Variants in ZNF180 observed in about 807,000 individuals in gnomAD.
ZNF180 encodes the protein zinc finger protein 180 (HHZ168).
In ZNF180, 11 loss-of-function variants were observed where a neutral mutation model predicts 11.8. The ratio of observed to expected loss-of-function variants is 0.93; its 90% CI spans 0.59 to 1.55. ZNF180 has a LOEUF of 1.55. Ranked by LOEUF, ZNF180 falls within the 40% of genes most tolerant of loss-of-function variation. The pLI is 0.00. For missense variants in ZNF180, 773 were observed against 781.7 expected (o/e 0.99, Z 0.13); for synonymous variants, 287 against 257.7 (o/e 1.11, Z -1.09).
intron 2 of ZNF180, among the ~76,000 whole-genome samples, chr19:44,486,351 C>T (rs1308911798): frequency 6.6e-6 from 1 of 152,172 alleles, no homozygotes; most frequent in Non-Finnish European, 1.5e-5. Flanking sequence ...ATGCTGCATC[C>T]ATGTTTTTCA....
At chr19:44,493,376 T>C (rs1970496874) in intron 2 of ZNF180, among the ~76,000 whole-genome samples, 1 of 152,216 alleles carries the variant, frequency 6.6e-6, no homozygotes. Context: ...CCCAGATGGT[T>C]TCTTCCTAGA....
chr19:44,478,284 A>G (rs1969986665), intron 4 of ZNF180, 138 bp from the exon 5 acceptor site: 1 of 837,662 alleles, frequency 1.2e-6, no homozygotes, highest in African/African-American at 1.7e-5. Flanking sequence ...TGAAAAAGCA[A>G]AAGGGTGAGA....
At chr19:44,483,995 C>CTTTTTTTT (rs66671115) in intron 3 of ZNF180, among the ~76,000 whole-genome samples, 1 of 136,850 alleles carries the variant, frequency 7.3e-6, no homozygotes, top group Non-Finnish European at 1.5e-5. Flanking sequence ...TTCTTTCTTT[C>CTTTTTTTT]TTTTTTTTTT....
rs1969965486 is a variant in ZNF180, at chr19:44,477,803, T to C, written c.597A>G (p.Lys199=). The C allele has an allele frequency of 3.1e-6, 5 of 1,613,834 alleles. No homozygotes were observed. The highest frequency in any genetic ancestry group is 3.3e-5 in the Admixed American group (2 of 59,998). Residue 199 remains lysine, a synonymous_variant, in exon 5 of 5, where the codon AAA becomes AAG. Coordinates refer to ENST00000592529, the MANE Select transcript of ZNF180 (RefSeq NM_001278509.3). ...HFHKHVSHAK[K]WHLNAAVNSH... is the part of the protein sequence containing the mutation. ...TGTTTACAGCAGCATTAAGATGCCATTTTTTAGCATGTGATACATGTTTAT... is the reference window on the plus strand; with the variant it reads ...TGTTTACAGCAGCATTAAGATGCCACTTTTTAGCATGTGATACATGTTTAT...
rs972356353 is a variant in ZNF180 at position 44,500,502 on chromosome 19, C to T, written c.-271G>A. On this transcript the variant is annotated 5_prime_UTR_variant, in exon 1 of 5. Coordinates refer to ENST00000592529, the MANE Select transcript of ZNF180 (RefSeq NM_001278509.3). Reference sequence around the variant, plus strand: ...CTCGGCGACAGCAAGCGTCCGCGCGCGGGACAATGGCTGCTCTTGTGGCCG... The same window carrying T: ...CTCGGCGACAGCAAGCGTCCGCGCGTGGGACAATGGCTGCTCTTGTGGCCG... The T allele has an allele frequency of 2.6e-5, 14 of 541,042 alleles. No homozygotes were observed. The South Asian group carries it at 3.0e-4, about 12-fold the overall frequency. The allele number at this position is 541,042 out of a possible 1,614,324, so 33.5% of individuals were successfully genotyped here.
intron 2 of ZNF180, among the ~76,000 whole-genome samples, chr19:44,489,899 AAG>A (rs947197333): frequency 3.2e-5 from 4 of 125,916 alleles, no homozygotes; most frequent in South Asian, 3.1e-4. Flanking sequence ...GAGAGAAAGA[AAG>A]AGAGAAAAGA....
intron 2 of ZNF180, among the ~76,000 whole-genome samples, chr19:44,489,008 G>A (rs1312168652): frequency 3.3e-5 from 5 of 151,014 alleles, no homozygotes; most frequent in African/African-American, 1.2e-4. Flanking sequence ...CCCTGTCTGG[G>A]AAGTGAGTAG....
intron 2 of ZNF180, among the ~76,000 whole-genome samples, chr19:44,490,001 GAAAGA>G (rs1345288539): frequency 8.5e-5 from 9 of 105,802 alleles, no homozygotes; most frequent in South Asian, 7.7e-4. Flanking sequence ...AAGCAAGAAA[GAAAGA>G]AAAGAAAAGA....
At chr19:44,494,105 C>T (rs911638005) in intron 2 of ZNF180, among the ~76,000 whole-genome samples, 4 of 152,092 alleles carry the variant, frequency 2.6e-5, no homozygotes, top group Admixed American at 6.5e-5. Flanking sequence ...TTTTGCTTTC[C>T]CTATGTAGCC....
chr19:44,500,136 C>T (rs1970707578), intron 1 of ZNF180, 139 bp downstream of exon 1: 1 of 1,611,824 alleles, frequency 6.2e-7, no homozygotes, highest in Non-Finnish European at 8.5e-7. Flanking sequence ...ACTCCATCAA[C>T]CCCGGTGACC....
chr19:44,482,293 A>AGTG (rs1332216885), intron 3 of ZNF180, among the ~76,000 whole-genome samples: 1 of 152,198 alleles, frequency 6.6e-6, no homozygotes, highest in Non-Finnish European at 1.5e-5. Context: ...GGGTAACTGG[A>AGTG]GTGAGACCCT....
intron 2 of ZNF180, among the ~76,000 whole-genome samples, chr19:44,489,340 G>A (rs370378319): frequency 7.0e-6 from 1 of 143,538 alleles, no homozygotes; most frequent in African/African-American, 2.5e-5. Flanking sequence ...GATGGTTGCT[G>A]TGTCTGTGTA....
chr19:44,477,296 G>T lies in ZNF180; in HGVS notation c.1104C>A (p.His368Gln). 1 of 1,613,232 alleles carries T rather than the reference G, an allele frequency of 6.2e-7. No individual in the cohort carries two copies. The highest frequency in any genetic ancestry group is 8.5e-7 in the Non-Finnish European group (1 of 1,179,516). Residue 368 changes from histidine (H) to glutamine (Q), a missense_variant, in exon 5 of 5, where the codon CAC becomes CAA. Transcript: ENST00000592529. ...ECGKSFSRSS[H>Q]LVSHQRTHTG... ...TATGAGTTCTCTGATGGGAAACAAGGTGCGAGCTCCGGCTGAAGGATTTTC... is the reference window on the plus strand; with the variant it reads ...TATGAGTTCTCTGATGGGAAACAAGTTGCGAGCTCCGGCTGAAGGATTTTC...
At chr19:44,494,958 G>A (rs1257877566) in intron 2 of ZNF180, among the ~76,000 whole-genome samples, 2 of 152,046 alleles carry the variant, frequency 1.3e-5, no homozygotes, top group Admixed American at 6.5e-5. Context: ...AGCCCTCCGC[G>A]GACAGACAGG....
At chr19:44,482,501 T>TA (rs1402394494) in intron 3 of ZNF180, among the ~76,000 whole-genome samples, 2 of 152,008 alleles carry the variant, frequency 1.3e-5, no homozygotes. Flanking sequence ...TCCTCCCAGT[T>TA]ACTCTGAAAC....
chr19:44,485,796 T>C (rs1035463075), intron 2 of ZNF180, among the ~76,000 whole-genome samples: 8 of 152,220 alleles, frequency 5.3e-5, no homozygotes, highest in Non-Finnish European at 1.2e-4. Context: ...TGACAGTACA[T>C]TGTCAAAACC....
Position 44,500,373 on chromosome 19 carries a change from G to A in ZNF180, c.-142C>T. ...ACGAACTCGGGTTAGGCAACCCCCTGCCCCGATTCTGCAACACGGCCGACT... is the reference window on the plus strand; with the variant it reads ...ACGAACTCGGGTTAGGCAACCCCCTACCCCGATTCTGCAACACGGCCGACT... On this transcript the variant is annotated 5_prime_UTR_variant, in exon 1 of 5. It introduces an in-frame stop codon into an upstream open reading frame of the 5' UTR. Coordinates refer to ENST00000592529, the MANE Select transcript of ZNF180 (RefSeq NM_001278509.3). The A allele has an allele frequency of 8.8e-7, 1 of 1,134,522 alleles. No homozygotes were observed. Among genetic ancestry groups the A allele is most frequent in the South Asian group, 1.3e-5 (1 of 77,172 alleles). 70.3% of individuals were successfully genotyped at this position (1,134,522 alleles called of 1,614,324 possible). A position where few individuals can be genotyped will look rare whatever the true frequency, so the allele number is the denominator to read the frequency against.
intron 2 of ZNF180, among the ~76,000 whole-genome samples, chr19:44,487,735 G>GTT (rs1375561070): frequency 6.6e-6 from 1 of 151,958 alleles, no homozygotes; most frequent in Non-Finnish European, 1.5e-5. Context: ...GTTTGTTTTG[G>GTT]TTTTGGTTTT....
At chr19:44,483,394 T>A (rs1970133836) in intron 3 of ZNF180, among the ~76,000 whole-genome samples, 1 of 152,212 alleles carries the variant, frequency 6.6e-6, no homozygotes, top group Admixed American at 6.5e-5. Context: ...TGAATGTCAA[T>A]CTGCTATCTG....
Sources: gnomAD v4.1 joint callset for allele counts (sites outside exome capture counted in the v4.1 genomes callset) on GRCh38, gnomAD v4.1.1 for gene constraint, MANE v1.5 for transcripts, NCBI Gene and HGNC (gene_info 2026-07-23, HGNC 2026-07-21) for gene names.